The following ZNF180 variants were observed in gnomAD, a reference collection of about 807,000 sequenced individuals.
ZNF180 encodes the protein zinc finger protein 180.
ZNF180 carries 11 observed loss-of-function variants against 11.8 expected under a neutral mutation model. The ratio of observed to expected loss-of-function variants is 0.93; its 90% CI spans 0.59 to 1.55. The LOEUF (loss-of-function observed/expected upper bound fraction) is 1.55. Among genes scored for constraint, ZNF180 ranks in the 40% most tolerant of loss-of-function variants. The pLI is 0.00. For missense variants in ZNF180, 773 were observed against 781.7 expected (o/e 0.99, Z 0.13); for synonymous variants, 287 against 257.7 (o/e 1.11, Z -1.09).
chr19:44,499,277 C>T (rs551776569), intron 1 of ZNF180, among the ~76,000 whole-genome samples: 3 of 152,168 alleles, frequency 2.0e-5, no homozygotes, highest in African/African-American at 7.2e-5. Flanking sequence ...GTTGTGCAGT[C>T]AGCTCTTCCC....
chr19:44,481,642 G>A (rs1161424265), intron 3 of ZNF180, among the ~76,000 whole-genome samples: 2 of 152,132 alleles, frequency 1.3e-5, no homozygotes, highest in Non-Finnish European at 2.9e-5. Flanking sequence ...CTGTCACTAG[G>A]CCATGATCCA....
intron 2 of ZNF180, among the ~76,000 whole-genome samples, chr19:44,486,094 T>C (rs1483081689): frequency 6.6e-6 from 1 of 152,250 alleles, no homozygotes; most frequent in Non-Finnish European, 1.5e-5. Context: ...TTTATTCAGA[T>C]GACTGAATAT....
intron 1 of ZNF180, among the ~76,000 whole-genome samples, chr19:44,498,651 A>G (rs144969793): frequency 0.036 from 5,548 of 152,120 alleles, 138 homozygotes; most frequent in Non-Finnish European, 0.053. Context: ...CCAACCAAAC[A>G]CCGGTGTGTG....
At chr19:44,496,041 CAG>C (rs1239329628) in intron 2 of ZNF180, among the ~76,000 whole-genome samples, 2 of 152,218 alleles carry the variant, frequency 1.3e-5, no homozygotes, top group African/African-American at 4.8e-5. Context: ...TTTTTAGAGA[CAG>C]AGTCTCACTC....
chr19:44,497,474 AT>A (rs1385881796), intron 1 of ZNF180, 97 bp from the exon 2 acceptor site: 6 of 1,244,652 alleles, frequency 4.8e-6, no homozygotes. Context: ...TGCAGGATGC[AT>A]TCCCATAGCA....
intron 3 of ZNF180, among the ~76,000 whole-genome samples, chr19:44,482,102 T>C (rs994676808): frequency 2.0e-5 from 3 of 152,146 alleles, no homozygotes; most frequent in African/African-American, 7.2e-5. Flanking sequence ...GCCCAGGAAT[T>C]CAAGACCAGC....
Position 44,497,278 on chromosome 19 carries a change from A to G in ZNF180, c.51+6T>C. 6.4e-7 allele frequency: 1 copy of G among 1,571,794 alleles called. No homozygotes were observed. The highest frequency in any genetic ancestry group is 8.6e-7 in the Non-Finnish European group (1 of 1,165,962). On this transcript the variant is annotated splice_donor_region_variant and intron_variant, in intron 2 of 4. Coordinates refer to ENST00000592529, the MANE Select transcript of ZNF180 (RefSeq NM_001278509.3). Reference sequence around the variant, plus strand: ...AGACAGACCCAAGCTCTGGGTCTCCACTCACCTGTGCACAGACCTTCGGGG... The same window carrying G: ...AGACAGACCCAAGCTCTGGGTCTCCGCTCACCTGTGCACAGACCTTCGGGG...
In ZNF180 at chr19:44,477,880, G is replaced by T; in HGVS notation, c.520C>A (p.Leu174Met). 6.2e-7 allele frequency: 1 copy of T among 1,613,910 alleles called. No homozygotes were observed. Among genetic ancestry groups the T allele is most frequent in the Non-Finnish European group, 8.5e-7 (1 of 1,179,998 alleles). ...GGGGATGAAAATAGACTGGAATTCA[G>T]ACCACTCTTCTCCCCAGTTTCATCA... ...KSDETGEKSG[L>M]NSSLFSSPVI... The change falls in exon 5 of 5, where the codon CTG becomes ATG. Residue 174 changes from leucine to methionine, a missense_variant. Coordinates refer to ENST00000592529, the MANE Select transcript of ZNF180 (RefSeq NM_001278509.3).
chr19:44,476,968 T>C lies in ZNF180; in HGVS notation c.1432A>G (p.Ser478Gly), dbSNP rs202025354. Reference protein sequence around the residue: ...CNQCGKSFSQSYKLVAHQRTH... With the variant: ...CNQCGKSFSQGYKLVAHQRTH... ...CTCTGATGAGCAACAAGTTTATAAC[T>C]TTGACTAAAGGATTTCCCACACTGA... Residue 478 changes from serine to glycine, a missense_variant, in exon 5 of 5, where the codon AGT becomes GGT. Ser to Gly is a moderately conservative substitution (Grantham distance 56, BLOSUM62 0). Transcript: ENST00000592529. 575 of 1,614,088 alleles carry C rather than the reference T, an allele frequency of 3.6e-4. 1 individual carries two copies. Among genetic ancestry groups the C allele is most frequent in the Middle Eastern group, 2.8e-3 (17 of 6,062 alleles).
In ZNF180 at chr19:44,476,194, G is replaced by A; in HGVS notation, c.*208C>T. 1 of 479,604 alleles carries A rather than the reference G, an allele frequency of 2.1e-6. No individual in the cohort carries two copies. The highest frequency in any genetic ancestry group is 3.6e-6 in the Non-Finnish European group (1 of 275,732). The allele number at this position is 479,604 out of a possible 1,614,324, so 29.7% of individuals were successfully genotyped here. ...TGTCATAAGAATCAAGTTTAACATT[G>A]TATATGGAATTGCCAGGTTGAAAAG... is the stretch of plus-strand genomic sequence containing the variant. On this transcript the variant is annotated 3_prime_UTR_variant, in exon 5 of 5. Coordinates refer to ENST00000592529, the MANE Select transcript of ZNF180 (RefSeq NM_001278509.3).
chr19:44,484,725 A>G (rs961182266), intron 2 of ZNF180: 9 of 453,954 alleles, frequency 2.0e-5, no homozygotes, highest in Middle Eastern at 6.1e-4. Context: ...GATCCAAGAC[A>G]CTAAGGAGCA....
intron 3 of ZNF180, among the ~76,000 whole-genome samples, chr19:44,481,625 G>C (rs911649806): frequency 3.9e-5 from 6 of 152,104 alleles, no homozygotes; most frequent in African/African-American, 1.2e-4. Context: ...TTGCAGAATG[G>C]TCATCTCTGT....
intron 2 of ZNF180, among the ~76,000 whole-genome samples, chr19:44,486,580 C>A (rs1277013203): frequency 2.0e-5 from 3 of 152,148 alleles, no homozygotes; most frequent in Admixed American, 6.5e-5. Flanking sequence ...TAACTCATTT[C>A]TTTAGAAGCC....
chr19:44,498,459 C>T (rs1054444632), intron 1 of ZNF180, among the ~76,000 whole-genome samples: 1 of 152,166 alleles, frequency 6.6e-6, no homozygotes, highest in African/African-American at 2.4e-5. Context: ...CACCTTACTC[C>T]ACAGCCCCCT....
In ZNF180 at chr19:44,477,156, C is replaced by T; in HGVS notation, c.1244G>A (p.Cys415Tyr). The change falls in exon 5 of 5, where the codon TGT becomes TAT. Residue 415 changes from cysteine (C) to tyrosine (Y), a missense_variant. Transcript: ENST00000592529. ...TGEKPYECNQ[C>Y]GKSFRQSYKL... ...ATAGCTCTGCCTGAATGACTTTCCACACTGATTGCATTCATAAGGCTTCTC... is the reference window on the plus strand; with the variant it reads ...ATAGCTCTGCCTGAATGACTTTCCATACTGATTGCATTCATAAGGCTTCTC... 1 of 1,613,180 alleles carries T rather than the reference C, an allele frequency of 6.2e-7. No individual in the cohort carries two copies. The highest frequency in any genetic ancestry group is 8.5e-7 in the Non-Finnish European group (1 of 1,179,234).
In ZNF180 at chr19:44,500,384, G is replaced by A; in HGVS notation, c.-153C>T. On this transcript the variant is annotated 5_prime_UTR_variant, in exon 1 of 5. Transcript: ENST00000592529. ...TTAGGCAACCCCCTGCCCCGATTCT[G>A]CAACACGGCCGACTCGGGTTAAGCT... 1.0e-6 allele frequency: 1 copy of A among 993,236 alleles called. No homozygotes were observed. Among genetic ancestry groups the A allele is most frequent in the Non-Finnish European group, 1.5e-6 (1 of 646,982 alleles). 61.5% of individuals were successfully genotyped at this position (993,236 alleles called of 1,614,324 possible).
chr19:44,484,034 G>A lies in ZNF180; in HGVS notation c.126+327C>T, dbSNP rs137957702. 3.2e-3 allele frequency among the ~76,000 whole-genome samples: 456 copies of A among 143,298 alleles called. 2 individuals carry two copies. Among genetic ancestry groups the A allele is most frequent in the African/African-American group, 7.9e-3 (297 of 37,454 alleles). 94.0% of individuals were successfully genotyped at this position (143,298 alleles called of 152,430 possible). A position where few individuals can be genotyped will look rare whatever the true frequency, so the allele number is the denominator to read the frequency against. On this transcript the variant is annotated intron_variant, in intron 3 of 4. Coordinates refer to ENST00000592529, the MANE Select transcript of ZNF180 (RefSeq NM_001278509.3). The stretch of plus-strand genomic sequence containing the variant: ...TTTTGAGATGGAGTCTCACTCTGTC[G>A]CCCAGGCTGAAGTGCAGTGGCGCAA...
chr19:44,481,351 C>T (rs1390399400), intron 3 of ZNF180, among the ~76,000 whole-genome samples: 3 of 152,158 alleles, frequency 2.0e-5, no homozygotes, highest in Admixed American at 1.3e-4. Context: ...CAAATGTTTT[C>T]ATGATTAGCC....
In ZNF180 at chr19:44,477,765, A is replaced by G. The variant is rs1969962997; in HGVS notation, c.635T>C (p.Ile212Thr). ...TTCATATAGTGTCTCATTCTCATTA[A>G]TCTTCTGATGACTGTTTACAGCAGC... ...LNAAVNSHQK[I>T]NENETLYENN... The change falls in exon 5 of 5, where the codon ATT becomes ACT. Residue 212 changes from isoleucine to threonine, a missense_variant. Coordinates refer to ENST00000592529, the MANE Select transcript of ZNF180 (RefSeq NM_001278509.3). The G allele has an allele frequency of 3.7e-6, 6 of 1,613,838 alleles. No individual in the cohort carries two copies. The highest frequency in any genetic ancestry group is 5.1e-6 in the Non-Finnish European group (6 of 1,179,958).
Sources: gnomAD v4.1 joint callset for allele counts (sites outside exome capture counted in the v4.1 genomes callset) on GRCh38, gnomAD v4.1.1 for gene constraint, MANE v1.5 for transcripts, NCBI Gene and HGNC (gene_info 2026-07-23, HGNC 2026-07-21) for gene names.